Variants in TGFBR3 observed in about 807,000 individuals in gnomAD.
The protein encoded by TGFBR3 is transforming growth factor beta receptor type 3.
Under a neutral mutation model 87.9 loss-of-function variants are expected in TGFBR3, and 46 were observed. The ratio of observed to expected loss-of-function variants is 0.52; its 90% CI spans 0.41 to 0.67. The LOEUF (loss-of-function observed/expected upper bound fraction) is 0.67. Among genes scored for constraint, TGFBR3 ranks in the 30% least tolerant of loss-of-function variants. The pLI is 0.00. For missense variants in TGFBR3, 866 were observed against 1,041.9 expected (o/e 0.83, Z 2.32); for synonymous variants, 381 against 391.6 (o/e 0.97, Z 0.32).
At chr1:91,891,558 G>A (rs767428251) in intron 2 of TGFBR3, among the ~76,000 whole-genome samples, 102 of 151,146 alleles carry the variant, frequency 6.7e-4, no homozygotes, top group Non-Finnish European at 2.9e-4. Flanking sequence ...ATGAAAGTTT[G>A]TTTAGAAGAA....
rs549314707 is a variant in TGFBR3 at position 91,804,162 on chromosome 1, C to T, written c.62-6691G>A. ...TCTTTACCTGAGAGCCAAAGCCTCA[C>T]TCTTATACTAAAAGGGGCAGAAAAA... On this transcript the variant is annotated intron_variant, in intron 2 of 16. Coordinates refer to ENST00000212355, the MANE Select transcript of TGFBR3 (RefSeq NM_003243.5). Among the ~76,000 whole-genome samples the T allele has an allele frequency of 4.6e-5, 7 of 152,164 alleles. No homozygotes were observed. In the South Asian group the frequency reaches 1.5e-3, roughly 32 times the overall value.
chr1:91,897,314 G>T (rs769551185), intron 2 of TGFBR3, among the ~76,000 whole-genome samples: 1 of 152,196 alleles, frequency 6.6e-6, no homozygotes, highest in Non-Finnish European at 1.5e-5. Context: ...CCGACTTGAC[G>T]TGGGGAAGAG....
intron 14 of TGFBR3, among the ~76,000 whole-genome samples, chr1:91,706,102 C>T (rs527985184): frequency 6.6e-5 from 10 of 152,302 alleles, no homozygotes; most frequent in African/African-American, 2.2e-4. Flanking sequence ...AATTACCTCT[C>T]TCAAAATAGT....
intron 2 of TGFBR3, among the ~76,000 whole-genome samples, chr1:91,827,632 G>A (rs141452422): frequency 2.4e-4 from 36 of 152,284 alleles, no homozygotes; most frequent in Middle Eastern, 3.4e-3. Context: ...ATTCATTAAC[G>A]AAGAAAAAGT....
chr1:91,697,214 C>A (rs1041864327), intron 15 of TGFBR3, among the ~76,000 whole-genome samples: 1 of 152,118 alleles, frequency 6.6e-6, no homozygotes, highest in Non-Finnish European at 1.5e-5. Context: ...TTCTAAATCT[C>A]CAAAGATAGA....
intron 3 of TGFBR3, among the ~76,000 whole-genome samples, chr1:91,774,420 G>A (rs1674495798): frequency 6.6e-6 from 1 of 152,166 alleles, no homozygotes. Context: ...ATAGGCGTAA[G>A]CCACTGCGCC....
At chr1:91,818,149 G>C (rs1206837478) in intron 2 of TGFBR3, among the ~76,000 whole-genome samples, 1 of 151,800 alleles carries the variant, frequency 6.6e-6, no homozygotes, top group Admixed American at 6.6e-5. Context: ...AGAGCAGTGA[G>C]ATTTCTCACC....
chr1:91,746,142 C>T (rs1673337560), intron 4 of TGFBR3, among the ~76,000 whole-genome samples: 3 of 152,314 alleles, frequency 2.0e-5, no homozygotes, highest in African/African-American at 7.2e-5. Context: ...CTCTGAGATG[C>T]TGCCCTCCAA....
chr1:91,778,159 T>TAA (rs79576439), intron 3 of TGFBR3, among the ~76,000 whole-genome samples: 7 of 135,090 alleles, frequency 5.2e-5, no homozygotes, highest in Non-Finnish European at 4.9e-5. Context: ...TAATCTAGGT[T>TAA]AAAAAAAAAA....
At chr1:91,716,790 G>T (rs1672193394) in intron 10 of TGFBR3, 82 bp from the exon 11 acceptor site, 4 of 1,525,578 alleles carry the variant, frequency 2.6e-6, no homozygotes, top group African/African-American at 1.4e-5. Context: ...AAACACTCAT[G>T]TAATCATTCT....
chr1:91,698,513 C>CTTTT (rs35919369), intron 14 of TGFBR3, among the ~76,000 whole-genome samples: 1 of 120,734 alleles, frequency 8.3e-6, no homozygotes, highest in Admixed American at 8.5e-5. Flanking sequence ...TCAAAATATT[C>CTTTT]TTTTTTTTTT....
intron 1 of TGFBR3, among the ~76,000 whole-genome samples, chr1:91,882,765 T>TA (rs753937454): frequency 5.9e-5 from 9 of 152,134 alleles, no homozygotes; most frequent in Non-Finnish European, 8.8e-5. Flanking sequence ...AATAAATAAA[T>TA]AGATAAATGT....
rs758409327 is a variant in TGFBR3 at position 91,734,772 on chromosome 1, T to G, written c.568+4A>C. On this transcript the variant is annotated splice_donor_region_variant and intron_variant, in intron 5 of 16. Coordinates refer to ENST00000212355, the MANE Select transcript of TGFBR3 (RefSeq NM_003243.5). Reference sequence around the variant, plus strand: ...GTCATTAACTGAAGCCACATAAAATTTACCTTCCCCCACTTTAATATAAAT... The same window carrying G: ...GTCATTAACTGAAGCCACATAAAATGTACCTTCCCCCACTTTAATATAAAT... The G allele has an allele frequency of 6.2e-7, 1 of 1,614,146 alleles. No individual in the cohort carries two copies. Among genetic ancestry groups the G allele is most frequent in the Non-Finnish European group, 8.5e-7 (1 of 1,179,970 alleles).
chr1:91,851,542 C>T (rs1677736587), intron 2 of TGFBR3, among the ~76,000 whole-genome samples: 1 of 152,192 alleles, frequency 6.6e-6, no homozygotes, highest in African/African-American at 2.4e-5. Flanking sequence ...GTGCTCAGAG[C>T]TCGAAGCTCT....
intron 4 of TGFBR3, among the ~76,000 whole-genome samples, chr1:91,756,884 T>C (rs1423823166): frequency 1.3e-5 from 2 of 152,214 alleles, no homozygotes; most frequent in Non-Finnish European, 2.9e-5. Context: ...TCCTGAATGA[T>C]CTGACCTTTT....
chr1:91,816,443 C>A (rs1293719297), intron 2 of TGFBR3, among the ~76,000 whole-genome samples: 1 of 152,202 alleles, frequency 6.6e-6, no homozygotes, highest in Non-Finnish European at 1.5e-5. Context: ...ACTGACCACT[C>A]CTGCGTTCTC....
At chr1:91,721,855 A>G (rs1672377209) in intron 8 of TGFBR3, 100 bp downstream of exon 8, 2 of 1,115,224 alleles carry the variant, frequency 1.8e-6, no homozygotes, top group South Asian at 1.5e-5. Flanking sequence ...AAAATGTACA[A>G]GAGAAAAACA....
At chr1:91,722,872 T>C (rs1369998895) in intron 7 of TGFBR3, among the ~76,000 whole-genome samples, 1 of 152,214 alleles carries the variant, frequency 6.6e-6, no homozygotes, top group Non-Finnish European at 1.5e-5. Context: ...AGTAAAAATA[T>C]GGTATTACAA....
intron 2 of TGFBR3, among the ~76,000 whole-genome samples, chr1:91,806,555 C>A (rs543317222): frequency 3.3e-5 from 5 of 152,026 alleles, no homozygotes; most frequent in Non-Finnish European, 5.9e-5. Context: ...TTCTAAATAC[C>A]AATGCATACC....
Sources: gnomAD v4.1 joint callset for allele counts (sites outside exome capture counted in the v4.1 genomes callset) on GRCh38, gnomAD v4.1.1 for gene constraint, MANE v1.5 for transcripts, NCBI Gene and HGNC (gene_info 2026-07-23, HGNC 2026-07-21) for gene names.